KIFAP3: variants seen among roughly 807,000 people sequenced by gnomAD.
KIFAP3 encodes kinesin associated protein 3.
KIFAP3 carries 68 observed loss-of-function variants against 106.5 expected under a neutral mutation model. The observed-to-expected ratio is 0.64, with a 90% CI of 0.53 to 0.78. The LOEUF (loss-of-function observed/expected upper bound fraction) is 0.78. Ranked by LOEUF, KIFAP3 falls within the 30% of genes least tolerant of loss-of-function variation. The pLI is 0.00. For synonymous variants in KIFAP3, 320 were observed against 311.5 expected (o/e 1.03, Z -0.29); for missense variants, 780 against 941.8 (o/e 0.83, Z 2.25).
intron 11 of KIFAP3, 41 bp downstream of exon 11, chr1:169,992,111 ATAT>A: frequency 1.1e-6 from 1 of 921,950 alleles, no homozygotes; most frequent in Non-Finnish European, 1.5e-6. Flanking sequence ...TAAAAAATAT[ATAT>A]ATTTGTTAAA....
At chr1:170,031,436 G>A (rs1411533798) in intron 8 of KIFAP3, among the ~76,000 whole-genome samples, 1 of 151,636 alleles carries the variant, frequency 6.6e-6, no homozygotes, top group Non-Finnish European at 1.5e-5. Context: ...CATCTTATCA[G>A]TAACCAAGAA....
intron 1 of KIFAP3, among the ~76,000 whole-genome samples, chr1:170,084,811 AT>A (rs2102197676): frequency 6.6e-6 from 1 of 152,202 alleles, no homozygotes; most frequent in East Asian, 1.9e-4. Context: ...AGAACATGGT[AT>A]TTGAATATTT....
chr1:169,983,484 G>C (rs1666638385), intron 12 of KIFAP3, 102 bp from the exon 13 acceptor site: 1 of 712,866 alleles, frequency 1.4e-6, no homozygotes, highest in African/African-American at 1.8e-5. Flanking sequence ...CTAGTAAAAT[G>C]CATAACTCTT....
chr1:169,992,011 T>C, intron 11 of KIFAP3, 144 bp downstream of exon 11: 2 of 411,438 alleles, frequency 4.9e-6, no homozygotes, highest in Non-Finnish European at 8.7e-6. Context: ...TACAGTTCTG[T>C]ACTTCCTCAA....
chr1:169,994,247 G>T (rs1234808442), intron 10 of KIFAP3, among the ~76,000 whole-genome samples: 1 of 152,024 alleles, frequency 6.6e-6, no homozygotes, highest in Non-Finnish European at 1.5e-5. Flanking sequence ...GGTTGAGTGG[G>T]GATTTAACCA....
chr1:170,048,671 G>A (rs1233395420), intron 2 of KIFAP3, among the ~76,000 whole-genome samples: 1 of 151,486 alleles, frequency 6.6e-6, no homozygotes, highest in Non-Finnish European at 1.5e-5. Flanking sequence ...TAGGCAGTGG[G>A]TACAACCCAT....
intron 5 of KIFAP3, among the ~76,000 whole-genome samples, chr1:170,037,701 C>G (rs1483852518): frequency 6.6e-6 from 1 of 151,978 alleles, no homozygotes; most frequent in African/African-American, 2.4e-5. Flanking sequence ...TTGCAGTGAG[C>G]CAAAGGTTGC....
chr1:170,064,521 G>T (rs1571761355), intron 1 of KIFAP3, among the ~76,000 whole-genome samples: 1 of 151,988 alleles, frequency 6.6e-6, no homozygotes, highest in African/African-American at 2.4e-5. Flanking sequence ...GCCCAGCTAA[G>T]TTTTGTATTT....
At chr1:169,946,812 C>G (rs547831279) in intron 19 of KIFAP3, among the ~76,000 whole-genome samples, 6 of 151,854 alleles carry the variant, frequency 4.0e-5, no homozygotes, top group Non-Finnish European at 7.4e-5. Context: ...AGGTATTCCA[C>G]CTTCTTAACT....
At chr1:169,942,043 T>TGG (rs760029497) in intron 19 of KIFAP3, among the ~76,000 whole-genome samples, 142,330 of 152,202 alleles carry the variant, frequency 0.94, 66,636 homozygotes, top group East Asian at 0.99. Flanking sequence ...TTAACAACAA[T>TGG]GTTATTTTTA....
Position 170,027,042 on chromosome 1 carries a change from CAG to C in KIFAP3, c.842-2448_842-2447del. On this transcript the variant is annotated intron_variant, in intron 8 of 19. Coordinates refer to ENST00000361580, the MANE Select transcript of KIFAP3 (RefSeq NM_014970.4). Reference sequence around the variant, plus strand: ...TTTTTTTTTTTTTTTTTTTTTGAGACAGAGTTTTGCTCTTGTTGCCCAGGCTG... The same window carrying C: ...TTTTTTTTTTTTTTTTTTTTTGAGACAGTTTTGCTCTTGTTGCCCAGGCTG... 8.1e-5 allele frequency among the ~76,000 whole-genome samples: 7 copies of C among 86,646 alleles called. No homozygotes were observed. The South Asian group carries it at 2.5e-3, about 31-fold the overall frequency. 56.8% of individuals were successfully genotyped at this position (86,646 alleles called of 152,430 possible). A position where few individuals can be genotyped will look rare whatever the true frequency, so the allele number is the denominator to read the frequency against.
chr1:170,060,103 G>T lies in KIFAP3; in HGVS notation c.33-4667C>A, dbSNP rs891668743. Reference sequence around the variant, plus strand: ...CTGGAAGCATTCCCTTTGAAAACTGGCACAAGACAGGGATGCCCTCTCTCA... The same window carrying T: ...CTGGAAGCATTCCCTTTGAAAACTGTCACAAGACAGGGATGCCCTCTCTCA... On this transcript the variant is annotated intron_variant, in intron 1 of 19. Coordinates refer to ENST00000361580, the MANE Select transcript of KIFAP3 (RefSeq NM_014970.4). Among the ~76,000 whole-genome samples, 6 of 152,218 alleles carry T rather than the reference G, an allele frequency of 3.9e-5. No homozygotes were observed. In the South Asian group the frequency reaches 1.0e-3, roughly 26 times the overall value.
intron 19 of KIFAP3, among the ~76,000 whole-genome samples, chr1:169,943,216 G>A (rs995954298): frequency 2.0e-5 from 3 of 152,018 alleles, no homozygotes; most frequent in African/African-American, 7.2e-5. Context: ...TGGGCAATAT[G>A]GAGATTATGG....
At chr1:169,983,118 G>T (rs1417953088) in intron 13 of KIFAP3, 152 bp downstream of exon 13, 4 of 612,100 alleles carry the variant, frequency 6.5e-6, no homozygotes, top group Non-Finnish European at 8.3e-6. Context: ...CATAGGTTGA[G>T]ATTTCTAGGT....
intron 1 of KIFAP3, among the ~76,000 whole-genome samples, chr1:170,080,031 T>G (rs1671996082): frequency 6.6e-6 from 1 of 152,110 alleles, no homozygotes; most frequent in Non-Finnish European, 1.5e-5. Context: ...TAAAACTATT[T>G]TGATTTACAA....
intron 19 of KIFAP3, among the ~76,000 whole-genome samples, chr1:169,926,385 T>A (rs1663132297): frequency 6.6e-6 from 1 of 152,154 alleles, no homozygotes; most frequent in Non-Finnish European, 1.5e-5. Flanking sequence ...TTTTCTAGTG[T>A]TTGTCTTCAA....
rs1036606600 is a variant in KIFAP3, at chr1:170,074,536, G to C, written c.-69C>G. On this transcript the variant is annotated 5_prime_UTR_variant, in exon 1 of 20. Transcript: ENST00000361580. ...GGCAGGCGCGGTTATTTCCGGGGAC[G>C]GTGGCCAAAGTACCCTCACACCCAG... is the stretch of plus-strand genomic sequence containing the variant. 9 of 1,608,436 alleles carry C rather than the reference G, an allele frequency of 5.6e-6. No homozygotes were observed. The highest frequency in any genetic ancestry group is 6.8e-6 in the Non-Finnish European group (8 of 1,177,658).
At chr1:170,012,277 G>A (rs1046782622) in intron 10 of KIFAP3, among the ~76,000 whole-genome samples, 3 of 152,078 alleles carry the variant, frequency 2.0e-5, no homozygotes, top group African/African-American at 7.2e-5. Context: ...ATGGCGTTCT[G>A]GGGCCATTTA....
At chr1:169,990,270 A>G (rs1468445961) in intron 11 of KIFAP3, 1 of 498,496 alleles carries the variant, frequency 2.0e-6, no homozygotes, top group East Asian at 4.9e-5. Context: ...TTTAACATTG[A>G]CTAGATTGAC....
Sources: allele counts gnomAD v4.1 joint callset (sites outside exome capture counted in the v4.1 genomes callset), GRCh38; gene constraint gnomAD v4.1.1; transcripts MANE v1.5; gene names NCBI Gene and HGNC (gene_info 2026-07-23, HGNC 2026-07-21).